ZFHX3: variants seen among roughly 807,000 people sequenced by gnomAD.
The protein encoded by ZFHX3 is zinc finger homeobox protein 3.
A neutral mutation model predicts 279.1 loss-of-function variants in ZFHX3; 42 were observed. The observed-to-expected ratio is 0.15, with a 90% CI of 0.12 to 0.19. The LOEUF (loss-of-function observed/expected upper bound fraction) is 0.19. ZFHX3 is among the 10% of genes least tolerant of loss of function. The pLI is 1.00. For synonymous variants in ZFHX3, 2,293 were observed against 1,957.8 expected (o/e 1.17, Z -4.52); for missense variants, 4,981 against 4,754.0 (o/e 1.05, Z -1.40).
rs2143462017 is a variant in ZFHX3, at chr16:72,798,106, G to A, written c.4576C>T (p.Pro1526Ser). ...DSGSEPKRAL[P>S]FRKGPNFTME... ...GTAAAATTGGGACCTTTTCTGAAAG[G>A]CAGAGCTCTCTTTGGCTCTGAGCCC... Residue 1526 changes from proline (P) to serine (S), a missense_variant, in exon 9 of 10, where the codon CCT becomes TCT. Pro to Ser is a moderately conservative substitution (Grantham distance 74). Transcript: ENST00000268489. The A allele has an allele frequency of 1.2e-6, 2 of 1,614,194 alleles. No homozygotes were observed. The highest frequency in any genetic ancestry group is 1.7e-6 in the Non-Finnish European group (2 of 1,180,026).
chr16:72,914,658 A>C (rs2039396780), intron 3 of ZFHX3, among the ~76,000 whole-genome samples: 1 of 151,964 alleles, frequency 6.6e-6, no homozygotes, highest in South Asian at 2.1e-4. Context: ...AGGAACAAGG[A>C]ATGTTTGGGT....
intron 3 of ZFHX3, among the ~76,000 whole-genome samples, chr16:72,890,540 G>C (rs1165820934): frequency 1.3e-5 from 2 of 150,448 alleles, no homozygotes; most frequent in African/African-American, 4.9e-5. Context: ...CCCTTCTCTA[G>C]CAGTTCTTTG....
intron 1 of ZFHX3, among the ~76,000 whole-genome samples, chr16:73,837,580 C>G (rs1239249510): frequency 6.6e-6 from 1 of 152,216 alleles, no homozygotes; most frequent in African/African-American, 2.4e-5. Flanking sequence ...GAAGCACACA[C>G]ACACTGGCTG....
chr16:72,839,808 G>A (rs994053872), intron 4 of ZFHX3, among the ~76,000 whole-genome samples: 2 of 152,124 alleles, frequency 1.3e-5, no homozygotes, highest in Non-Finnish European at 2.9e-5. Flanking sequence ...TTCCCTGATG[G>A]GGTACCCGTT....
intron 3 of ZFHX3, among the ~76,000 whole-genome samples, chr16:72,919,244 G>C (rs540308944): frequency 6.6e-6 from 1 of 151,604 alleles, no homozygotes; most frequent in South Asian, 2.1e-4. Flanking sequence ...CTGCAGCCTG[G>C]AACTCCCAGG....
intron 2 of ZFHX3, among the ~76,000 whole-genome samples, chr16:73,491,453 A>T (rs539319360): frequency 8.3e-4 from 127 of 152,340 alleles, no homozygotes; most frequent in African/African-American, 2.8e-3. Context: ...AATAAACATA[A>T]TGAAGCTATT....
intron 2 of ZFHX3, among the ~76,000 whole-genome samples, chr16:73,473,523 C>T (rs2018712842): frequency 2.0e-5 from 3 of 151,970 alleles, no homozygotes; most frequent in South Asian, 2.1e-4. Context: ...TATGTTTGAT[C>T]GACTCATTCG....
At chr16:73,883,331 T>C (rs927029990) in intron 1 of ZFHX3, among the ~76,000 whole-genome samples, 2 of 152,184 alleles carry the variant, frequency 1.3e-5, no homozygotes, top group East Asian at 3.8e-4. Context: ...CTATGTTCTC[T>C]GTGTATTCTG....
intron 8 of ZFHX3, among the ~76,000 whole-genome samples, chr16:73,089,296 G>T (rs955900836): frequency 6.6e-6 from 1 of 152,066 alleles, no homozygotes; most frequent in Non-Finnish European, 1.5e-5. Flanking sequence ...TAAAGACGAG[G>T]TTTCACTCTG....
intron 3 of ZFHX3, among the ~76,000 whole-genome samples, chr16:72,929,616 C>T (rs1473166513): frequency 6.6e-6 from 1 of 152,228 alleles, no homozygotes; most frequent in Non-Finnish European, 1.5e-5. Context: ...GGTGGCCTCG[C>T]CCTGTGGCTC....
intron 3 of ZFHX3, among the ~76,000 whole-genome samples, chr16:73,336,125 G>T (rs564170183): frequency 6.6e-6 from 1 of 152,226 alleles, no homozygotes; most frequent in Non-Finnish European, 1.5e-5. Flanking sequence ...GGCGGCAGGT[G>T]CAGGCAGTGG....
chr16:73,872,602 C>T (rs180734917), intron 1 of ZFHX3, among the ~76,000 whole-genome samples: 57 of 151,254 alleles, frequency 3.8e-4, no homozygotes, highest in African/African-American at 1.3e-3. Flanking sequence ...CTGAATAGTA[C>T]ATGAATTGTC....
intron 4 of ZFHX3, among the ~76,000 whole-genome samples, chr16:72,839,726 C>A (rs1791772875): frequency 6.6e-6 from 1 of 151,626 alleles, no homozygotes; most frequent in African/African-American, 2.4e-5. Context: ...TCAGAGGCAT[C>A]ATCTAGGGTG....
chr16:73,789,978 C>A (rs1294548034), intron 1 of ZFHX3, among the ~76,000 whole-genome samples: 1 of 152,078 alleles, frequency 6.6e-6, no homozygotes, highest in South Asian at 2.1e-4. Flanking sequence ...GCACTCTCGC[C>A]GCTGGAGTTA....
At chr16:73,261,480 T>C (rs1026529830) in intron 4 of ZFHX3, among the ~76,000 whole-genome samples, 2 of 152,072 alleles carry the variant, frequency 1.3e-5, no homozygotes, top group African/African-American at 4.8e-5. Context: ...ATATGAAGTA[T>C]TAAAAATAAA....
At chr16:73,545,129 C>T (rs2020087289) in intron 2 of ZFHX3, among the ~76,000 whole-genome samples, 1 of 151,740 alleles carries the variant, frequency 6.6e-6, no homozygotes, top group Non-Finnish European at 1.5e-5. Context: ...CCCTCGGAAG[C>T]TAAAGAGAGT....
At chr16:73,289,719 G>A (rs2014720378) in intron 4 of ZFHX3, among the ~76,000 whole-genome samples, 2 of 152,100 alleles carry the variant, frequency 1.3e-5, no homozygotes, top group African/African-American at 4.8e-5. Context: ...GGTGGCTAAA[G>A]AGACAAAACA....
intron 3 of ZFHX3, among the ~76,000 whole-genome samples, chr16:73,399,066 C>T (rs1179150786): frequency 4.2e-5 from 6 of 143,596 alleles, no homozygotes; most frequent in Non-Finnish European, 6.0e-5. Flanking sequence ...TTAGTAGAAT[C>T]GGGGTTTCGC....
intron 3 of ZFHX3, among the ~76,000 whole-genome samples, chr16:73,334,895 T>G (rs1019043446): frequency 2.1e-5 from 3 of 139,946 alleles, no homozygotes; most frequent in African/African-American, 7.9e-5. Context: ...TCCACCCTAA[T>G]GTTGATGGCT....
Sources: allele counts gnomAD v4.1 joint callset (sites outside exome capture counted in the v4.1 genomes callset), GRCh38; gene constraint gnomAD v4.1.1; transcripts MANE v1.5; gene names NCBI Gene and HGNC (gene_info 2026-07-23, HGNC 2026-07-21).